The following AK4 variants were observed in gnomAD, a reference collection of about 807,000 sequenced individuals.
AK4 encodes adenylate kinase 4, also known as adenylate kinase 4, mitochondrial.
AK4 carries 13 observed loss-of-function variants against 24.6 expected under a neutral mutation model. The ratio of observed to expected loss-of-function variants is 0.53; its 90% CI spans 0.34 to 0.84. The LOEUF is 0.84. Among genes scored for constraint, AK4 ranks in the 40% least tolerant of loss-of-function variants. The pLI is 0.01. For synonymous variants in AK4, 88 were observed against 107.0 expected, an observed-to-expected ratio of 0.82 and a Z score of 1.10; for missense variants, 192 against 288.2, an observed-to-expected ratio of 0.67 and a Z score of 2.42.
At chr1:65,184,665 C>T (rs1651026657) in intron 1 of AK4, among the ~76,000 whole-genome samples, 1 of 152,206 alleles carries the variant, frequency 6.6e-6, no homozygotes, top group African/African-American at 2.4e-5. Flanking sequence ...CTATCATCAG[C>T]ATTTAATGAT....
At chr1:65,220,219 G>T (rs1007032761) in intron 3 of AK4, among the ~76,000 whole-genome samples, 1 of 152,184 alleles carries the variant, frequency 6.6e-6, no homozygotes, top group Non-Finnish European at 1.5e-5. Context: ...TGTGCAAAAT[G>T]TAAGTTTTCA....
At chr1:65,174,012 C>T (rs1393626001) in intron 1 of AK4, among the ~76,000 whole-genome samples, 3 of 152,186 alleles carry the variant, frequency 2.0e-5, no homozygotes, top group Non-Finnish European at 4.4e-5. Context: ...CCCCTTCAGC[C>T]ACTGCCTGCC....
chr1:65,224,820 C>T lies in AK4; in HGVS notation c.507C>T (p.Ala169=), dbSNP rs780113793. The change falls in exon 4 of 5, where the codon GCC becomes GCT. Residue 169 remains alanine (A), a synonymous_variant. Coordinates refer to ENST00000327299, the MANE Select transcript of AK4 (RefSeq NM_013410.4). Reference sequence around the variant, plus strand: ...ATGATAAACCCGAAGCAGTTGCTGCCAGGCTAAGACAGTACAAAGACGTGG... The same window carrying T: ...ATGATAAACCCGAAGCAGTTGCTGCTAGGCTAAGACAGTACAAAGACGTGG... ...QEDDKPEAVA[A]RLRQYKDVAK... is the part of the protein sequence containing the mutation. 1 of 1,613,894 alleles carries T rather than the reference C, an allele frequency of 6.2e-7. No homozygotes were observed. Among genetic ancestry groups the T allele is most frequent in the African/African-American group, 1.3e-5 (1 of 74,902 alleles).
At chr1:65,191,983 G>A (rs1342300270) in intron 2 of AK4, among the ~76,000 whole-genome samples, 2 of 152,184 alleles carry the variant, frequency 1.3e-5, no homozygotes, top group African/African-American at 2.4e-5. Context: ...AGGTACTACA[G>A]CCCCAGGGTT....
chr1:65,166,153 C>G (rs1192737610), intron 1 of AK4: 1 of 152,170 alleles, frequency 6.6e-6, no homozygotes, highest in Non-Finnish European at 1.5e-5. Context: ...TCCTGAGGGT[C>G]AGATGGGGTC....
intron 2 of AK4, among the ~76,000 whole-genome samples, chr1:65,217,945 C>T (rs971762439): frequency 1.3e-5 from 2 of 152,160 alleles, no homozygotes; most frequent in Non-Finnish European, 2.9e-5. Context: ...TGCTTTGATA[C>T]ATACAGTGTG....
At chr1:65,186,480 C>CATA (rs200639678) in intron 1 of AK4, among the ~76,000 whole-genome samples, 12,757 of 152,166 alleles carry the variant, frequency 0.084, 705 homozygotes, top group Admixed American at 0.21. Flanking sequence ...ATATTTTAAG[C>CATA]ACTGAGGATG....
At chr1:65,210,550 C>T (rs1484825481) in intron 2 of AK4, among the ~76,000 whole-genome samples, 1 of 152,146 alleles carries the variant, frequency 6.6e-6, no homozygotes, top group African/African-American at 2.4e-5. Context: ...CCTTAGGATG[C>T]TACTTTCTTT....
At position 65,195,091 on chromosome 1, in the gene AK4, C is replaced by T. The variant is rs528598797; in HGVS notation, c.265+4262C>T. 2.6e-4 allele frequency among the ~76,000 whole-genome samples: 39 copies of T among 152,158 alleles called. No individual in the cohort carries two copies. In the South Asian group the frequency reaches 7.5e-3, roughly 29 times the overall value. ...GTTCTGGAGGCAGGGAAGAGTAAGA[C>T]GATGGTTCTCACATTTGTTGGGAGC... On this transcript the variant is annotated intron_variant, in intron 2 of 4. Coordinates refer to ENST00000327299, the MANE Select transcript of AK4 (RefSeq NM_013410.4).
chr1:65,148,697 C>A (rs930088249), intron 1 of AK4, 145 bp downstream of exon 1: 2 of 1,279,926 alleles, frequency 1.6e-6, no homozygotes, highest in Admixed American at 4.0e-5. Flanking sequence ...GCGCATGCAG[C>A]TGGCGGCCGC....
chr1:65,226,018 A>G, intron 4 of AK4, 45 bp from the exon 5 acceptor site: 6 of 1,597,102 alleles, frequency 3.8e-6, no homozygotes, highest in Non-Finnish European at 4.3e-6. Context: ...TAATACGTGG[A>G]AAAGAAACCT....
chr1:65,192,670 A>G (rs1442089733), intron 2 of AK4, among the ~76,000 whole-genome samples: 1 of 152,236 alleles, frequency 6.6e-6, no homozygotes, highest in East Asian at 1.9e-4. Context: ...ATCCTGAGAC[A>G]AATTCCCTTC....
intron 2 of AK4, among the ~76,000 whole-genome samples, chr1:65,198,664 A>G (rs1420637247): frequency 6.6e-6 from 1 of 152,180 alleles, no homozygotes; most frequent in Admixed American, 6.5e-5. Flanking sequence ...GATTGCATGA[A>G]AAAAGATGGG....
intron 2 of AK4, among the ~76,000 whole-genome samples, chr1:65,201,165 T>TA (rs1651652781): frequency 6.6e-6 from 1 of 152,230 alleles, no homozygotes; most frequent in Non-Finnish European, 1.5e-5. Context: ...AAAACCCTGA[T>TA]AACTCACTTT....
chr1:65,184,865 GAT>G (rs1265791644), intron 1 of AK4, among the ~76,000 whole-genome samples: 5 of 152,176 alleles, frequency 3.3e-5, no homozygotes, highest in African/African-American at 1.2e-4. Flanking sequence ...TAGAGATTGA[GAT>G]ATGTGGGACA....
chr1:65,154,454 T>A (rs1649904404), intron 1 of AK4: 2 of 499,016 alleles, frequency 4.0e-6, no homozygotes, highest in South Asian at 2.9e-5. Flanking sequence ...TCCTTCCTTT[T>A]ATCTTGTTGC....
In AK4 at chr1:65,148,482, C is replaced by A; in HGVS notation, c.75C>A (p.Ile25=). ...GSGKGTVCQR[I]AQNFGLQHLS... is the part of the protein sequence containing the mutation. ...GCAAGGGCACCGTGTGCCAGAGGAT[C>A]GCCCAGAACTTTGGTCTCCAGCATC... Residue 25 remains isoleucine, a synonymous_variant, in exon 1 of 5, where the codon ATC becomes ATA. Transcript: ENST00000327299. The A allele has an allele frequency of 6.3e-7, 1 of 1,577,460 alleles. No individual in the cohort carries two copies. Among genetic ancestry groups the A allele is most frequent in the Non-Finnish European group, 8.6e-7 (1 of 1,162,492 alleles).
intron 1 of AK4, among the ~76,000 whole-genome samples, chr1:65,183,932 C>T (rs1651001318): frequency 6.6e-6 from 1 of 152,094 alleles, no homozygotes. Context: ...TTGAGGCTAA[C>T]AAAATATCTT....
chr1:65,209,409 G>A (rs1651907395), intron 2 of AK4, among the ~76,000 whole-genome samples: 1 of 152,192 alleles, frequency 6.6e-6, no homozygotes, highest in African/African-American at 2.4e-5. Flanking sequence ...AAATGTAAAA[G>A]CATACTTCAA....
Sources: gnomAD v4.1 joint callset for allele counts (sites outside exome capture counted in the v4.1 genomes callset) on GRCh38, gnomAD v4.1.1 for gene constraint, MANE v1.5 for transcripts, NCBI Gene and HGNC (gene_info 2026-07-23, HGNC 2026-07-21) for gene names.